EIF4E: variants seen among roughly 807,000 people sequenced by gnomAD.
EIF4E encodes the protein eIF-4F 25 kDa subunit.
For synonymous variants in EIF4E, 71 were observed against 88.5 expected, an observed-to-expected ratio of 0.80 and a Z score of 1.11; for missense variants, 113 against 265.6, an observed-to-expected ratio of 0.43 and a Z score of 3.99.
At position 98,929,133 on chromosome 4, in the gene EIF4E, C is replaced by G. The variant is rs72905084; in HGVS notation, c.-21G>C. On this transcript the variant is annotated 5_prime_UTR_variant, in exon 1 of 7. Transcript: ENST00000450253. The stretch of plus-strand genomic sequence containing the variant: ...GCCATCTTAGATCGATCTGATCGCA[C>G]AACCGCTCCAGAAGGGGGGGTAAGA... The G allele has an allele frequency of 3.7e-3, 5,720 of 1,561,568 alleles. 146 individuals carry two copies. The African/African-American group carries it at 0.062, about 17-fold the overall frequency.
At chr4:98,902,384 TAAG>T (rs1330362643) in intron 1 of EIF4E, among the ~76,000 whole-genome samples, 1 of 152,224 alleles carries the variant, frequency 6.6e-6, no homozygotes, top group Non-Finnish European at 1.5e-5. Context: ...TAGTATTTTT[TAAG>T]AAGAAGGAAT....
At chr4:98,925,659 T>G (rs557908923) in intron 1 of EIF4E, among the ~76,000 whole-genome samples, 2 of 152,314 alleles carry the variant, frequency 1.3e-5, no homozygotes, top group Admixed American at 6.5e-5. Flanking sequence ...AAAATGATAT[T>G]TTATGTAATG....
At chr4:98,904,181 C>T (rs779708597) in intron 1 of EIF4E, among the ~76,000 whole-genome samples, 2 of 152,100 alleles carry the variant, frequency 1.3e-5, no homozygotes, top group African/African-American at 2.4e-5. Flanking sequence ...GTAAGCAGAA[C>T]GGGTGCAGGG....
intron 1 of EIF4E, among the ~76,000 whole-genome samples, chr4:98,914,069 A>C (rs932137355): frequency 1.3e-5 from 2 of 151,842 alleles, no homozygotes; most frequent in African/African-American, 2.4e-5. Context: ...GCACTTAAAA[A>C]AAAAAAAAGG....
At chr4:98,919,431 C>T (rs918076184) in intron 1 of EIF4E, among the ~76,000 whole-genome samples, 4 of 151,342 alleles carry the variant, frequency 2.6e-5, no homozygotes, top group Non-Finnish European at 5.9e-5. Flanking sequence ...TACAGAGCGA[C>T]AAGCTTTTCT....
chr4:98,927,244 CAAGT>C (rs753504262), intron 1 of EIF4E, among the ~76,000 whole-genome samples: 7 of 152,140 alleles, frequency 4.6e-5, no homozygotes, highest in South Asian at 4.1e-4. Context: ...AATAAAAAAA[CAAGT>C]AAGCAAGCAG....
At chr4:98,898,466 G>C (rs1365962332) in intron 2 of EIF4E, among the ~76,000 whole-genome samples, 1 of 151,880 alleles carries the variant, frequency 6.6e-6, no homozygotes, top group African/African-American at 2.4e-5. Context: ...AAATTAGCCG[G>C]GCATGGTGGC....
intron 1 of EIF4E, among the ~76,000 whole-genome samples, chr4:98,906,847 T>C (rs957063750): frequency 7.2e-5 from 11 of 152,192 alleles, no homozygotes; most frequent in African/African-American, 2.7e-4. Context: ...CATTCACAGC[T>C]GTAAAATTCA....
chr4:98,909,587 C>A, intron 1 of EIF4E: 1 of 679,028 alleles, frequency 1.5e-6, no homozygotes, highest in Non-Finnish European at 2.7e-6. Context: ...TTATATTCCT[C>A]AGCTTCTTCC....
At chr4:98,893,080 C>T (rs886153270) in intron 2 of EIF4E, among the ~76,000 whole-genome samples, 1 of 151,902 alleles carries the variant, frequency 6.6e-6, no homozygotes, top group African/African-American at 2.4e-5. Flanking sequence ...TTTGGTTTCC[C>T]GGTGCATGTA....
intron 1 of EIF4E, chr4:98,925,846 C>T (rs1725842181): frequency 1.3e-5 from 2 of 151,838 alleles, no homozygotes; most frequent in African/African-American, 2.4e-5. Context: ...ATCTCAAGTA[C>T]AATCCAATTC....
intron 1 of EIF4E, among the ~76,000 whole-genome samples, chr4:98,903,210 A>G (rs67650226): frequency 0.19 from 29,007 of 152,228 alleles, 3,679 homozygotes; most frequent in Non-Finnish European, 0.28. Flanking sequence ...GATACCAAAA[A>G]AAGGGCAATG....
chr4:98,887,016 A>G lies in EIF4E; in HGVS notation c.399+63T>C. ...TTAAGTAACAAATGTAAAACATAAC[A>G]TATCTTAAGTATCAGTATTCCAAAA... On this transcript the variant is annotated intron_variant, in intron 5 of 6. Coordinates refer to ENST00000450253, the MANE Select transcript of EIF4E (RefSeq NM_001968.5). The surrounding 1 kb of genome is among the most constrained non-coding windows in gnomAD (Gnocchi z 4.0). 3 of 1,476,100 alleles carry G rather than the reference A, an allele frequency of 2.0e-6. No homozygotes were observed. The highest frequency in any genetic ancestry group is 2.8e-6 in the Non-Finnish European group (3 of 1,056,902). 91.4% of individuals were successfully genotyped at this position (1,476,100 alleles called of 1,614,324 possible).
At chr4:98,901,285 C>A (rs1336812691) in intron 2 of EIF4E, among the ~76,000 whole-genome samples, 1 of 151,762 alleles carries the variant, frequency 6.6e-6, no homozygotes, top group Non-Finnish European at 1.5e-5. Context: ...GCAACCTGCA[C>A]CTCCTGGGTT....
chr4:98,900,060 G>A (rs1481565680), intron 2 of EIF4E, among the ~76,000 whole-genome samples: 1 of 151,138 alleles, frequency 6.6e-6, no homozygotes, highest in Non-Finnish European at 1.5e-5. Context: ...CAAGCTGTGA[G>A]GGATATATGC....
intron 2 of EIF4E, among the ~76,000 whole-genome samples, chr4:98,893,499 C>T (rs1182066004): frequency 6.6e-6 from 1 of 152,206 alleles, no homozygotes; most frequent in Non-Finnish European, 1.5e-5. Context: ...CCTTTGTTGT[C>T]ACTTCAACAA....
chr4:98,886,324 T>G (rs922765686), intron 5 of EIF4E: 1 of 282,666 alleles, frequency 3.5e-6, no homozygotes, highest in Admixed American at 4.2e-5. Context: ...ATCTCATATT[T>G]AATTTGTCTT....
chr4:98,881,035 A>G lies in EIF4E; in HGVS notation c.647T>C (p.Val216Ala). Residue 216 changes from valine (V) to alanine (A), a missense_variant, in exon 7 of 7, where the codon GTT (valine) becomes GCT (alanine). Coordinates refer to ENST00000450253, the MANE Select transcript of EIF4E (RefSeq NM_001968.5). ...KSGSTTKNRFVV is the reference protein window; with the variant it reads ...KSGSTTKNRFAV ...TACTCAGAAGGTGTCTTCTTAAACA[A>G]CAAACCTATTTTTAGTGGTGGAGCC... The G allele has an allele frequency of 6.2e-7, 1 of 1,610,444 alleles. No homozygotes were observed.
intron 1 of EIF4E, among the ~76,000 whole-genome samples, chr4:98,916,215 C>T (rs1725375189): frequency 7.6e-6 from 1 of 131,366 alleles, no homozygotes; most frequent in African/African-American, 2.9e-5. Flanking sequence ...CGTACTTCCT[C>T]AAAGGAATAA....
Sources: allele counts gnomAD v4.1 joint callset (sites outside exome capture counted in the v4.1 genomes callset), GRCh38; gene constraint gnomAD v4.1.1; non-coding constraint Gnocchi (gnomAD v3.1); transcripts MANE v1.5; gene names NCBI Gene and HGNC (gene_info 2026-07-23, HGNC 2026-07-21).